Variants in FBXW7 observed in about 807,000 individuals in gnomAD.
FBXW7 encodes F-box/WD repeat-containing protein 7.
Under a neutral mutation model 86.3 loss-of-function variants are expected in FBXW7, and 11 were observed. The ratio of observed to expected loss-of-function variants is 0.13; its 90% CI spans 0.08 to 0.21. The LOEUF is 0.21. Ranked by LOEUF, FBXW7 falls within the 10% of genes least tolerant of loss-of-function variation. The probability of loss-of-function intolerance (pLI) is 1.00; values close to 1 mark genes in which losing one functional copy is unlikely to be tolerated. For missense variants in FBXW7, 488 were observed against 847.4 expected (o/e 0.58, Z 5.27); for synonymous variants, 313 against 297.9 (o/e 1.05, Z -0.52).
intron 2 of FBXW7, among the ~76,000 whole-genome samples, chr4:152,524,557 G>A (rs1749320933): frequency 6.6e-6 from 1 of 152,102 alleles, no homozygotes; most frequent in Non-Finnish European, 1.5e-5. Context: ...TCATTTCAAA[G>A]GGTGACAGAT....
At chr4:152,445,745 T>G (rs1352726682) in intron 2 of FBXW7, among the ~76,000 whole-genome samples, 2 of 151,536 alleles carry the variant, frequency 1.3e-5, no homozygotes, top group African/African-American at 2.4e-5. Flanking sequence ...CCATCTCTAT[T>G]AAACATACAA....
intron 2 of FBXW7, among the ~76,000 whole-genome samples, chr4:152,413,653 A>G (rs1738178017): frequency 6.6e-6 from 1 of 152,110 alleles, no homozygotes; most frequent in Non-Finnish European, 1.5e-5. Flanking sequence ...CAAAACTCGA[A>G]TCACTACAAT....
chr4:152,419,034 G>A (rs1033541849), intron 2 of FBXW7, among the ~76,000 whole-genome samples: 7 of 152,028 alleles, frequency 4.6e-5, no homozygotes, highest in African/African-American at 1.4e-4. Flanking sequence ...ATACAATTGA[G>A]CCTGACCATA....
chr4:152,520,866 T>C (rs530129525), intron 2 of FBXW7, among the ~76,000 whole-genome samples: 5 of 152,168 alleles, frequency 3.3e-5, no homozygotes, highest in Non-Finnish European at 7.4e-5. Context: ...TTTCTAGAAA[T>C]GCAGAAGAAA....
intron 4 of FBXW7, chr4:152,382,487 C>T (rs1735181304): frequency 8.3e-7 from 1 of 1,207,830 alleles, no homozygotes. Context: ...TTTCAACCTT[C>T]CCCTACCAAA....
At chr4:152,476,483 T>C (rs1219895792) in intron 2 of FBXW7, among the ~76,000 whole-genome samples, 8 of 152,176 alleles carry the variant, frequency 5.3e-5, no homozygotes, top group Non-Finnish European at 1.2e-4. Flanking sequence ...TAGAAACTTC[T>C]GTTCTGTAAA....
At chr4:152,422,267 T>C (rs888649961) in intron 2 of FBXW7, among the ~76,000 whole-genome samples, 1 of 152,196 alleles carries the variant, frequency 6.6e-6, no homozygotes, top group Admixed American at 6.5e-5. Flanking sequence ...AGTGGAATAG[T>C]GAAGAGGTAT....
intron 4 of FBXW7, among the ~76,000 whole-genome samples, chr4:152,401,863 A>G (rs528337297): frequency 1.3e-5 from 2 of 152,348 alleles, no homozygotes; most frequent in Non-Finnish European, 2.9e-5. Context: ...ATTTAAAAAG[A>G]CAGAATGGCT....
chr4:152,364,189 T>C (rs192526550), intron 4 of FBXW7, among the ~76,000 whole-genome samples: 1 of 152,294 alleles, frequency 6.6e-6, no homozygotes, highest in Non-Finnish European at 1.5e-5. Context: ...TGTGACATTA[T>C]ATTGAGGCCA....
At chr4:152,418,127 C>CCACACACACACACA (rs3047865) in intron 2 of FBXW7, among the ~76,000 whole-genome samples, 149 of 143,934 alleles carry the variant, frequency 1.0e-3, no homozygotes, top group African/African-American at 2.7e-3. Context: ...ACAGCTCTTA[C>CCACACACACACACA]CACACACACA....
chr4:152,494,143 A>G (rs1413462258), intron 2 of FBXW7, among the ~76,000 whole-genome samples: 2 of 152,110 alleles, frequency 1.3e-5, no homozygotes, highest in East Asian at 3.8e-4. Flanking sequence ...TAAACATACA[A>G]AAAAAAGGGA....
chr4:152,337,949 A>G lies in FBXW7; in HGVS notation c.727-13T>C. On this transcript the variant is annotated splice_polypyrimidine_tract_variant and intron_variant, in intron 6 of 13. Coordinates refer to ENST00000281708, the MANE Select transcript of FBXW7 (RefSeq NM_001349798.2). ...GTCCACTCCAGCTCTATCAAAGAGAATTAGAAATTTTTATTGTTTTAACAG... is the reference window on the plus strand; with the variant it reads ...GTCCACTCCAGCTCTATCAAAGAGAGTTAGAAATTTTTATTGTTTTAACAG... 6.3e-7 allele frequency: 1 copy of G among 1,588,606 alleles called. No individual in the cohort carries two copies. Among genetic ancestry groups the G allele is most frequent in the Non-Finnish European group, 8.5e-7 (1 of 1,172,736 alleles).
At chr4:152,474,436 T>C (rs1214492179) in intron 2 of FBXW7, among the ~76,000 whole-genome samples, 1 of 152,202 alleles carries the variant, frequency 6.6e-6, no homozygotes, top group Non-Finnish European at 1.5e-5. Flanking sequence ...GTAAAGGTTT[T>C]TAAAAAGCAC....
At chr4:152,527,821 C>A (rs1749650879) in intron 2 of FBXW7, among the ~76,000 whole-genome samples, 1 of 151,238 alleles carries the variant, frequency 6.6e-6, no homozygotes, top group South Asian at 2.1e-4. Flanking sequence ...CTCTCATAAG[C>A]ATTGACTAGA....
chr4:152,459,174 CA>C (rs1245457910), intron 2 of FBXW7, among the ~76,000 whole-genome samples: 1 of 152,178 alleles, frequency 6.6e-6, no homozygotes, highest in African/African-American at 2.4e-5. Context: ...ATAACTGCAG[CA>C]TGACTTTACT....
At chr4:152,397,361 G>A (rs1374999433) in intron 4 of FBXW7, among the ~76,000 whole-genome samples, 1 of 151,806 alleles carries the variant, frequency 6.6e-6, no homozygotes, top group Non-Finnish European at 1.5e-5. Context: ...CAGCCCATAG[G>A]TCATATGTAG....
intron 7 of FBXW7, among the ~76,000 whole-genome samples, chr4:152,335,221 A>C (rs946526398): frequency 6.6e-6 from 1 of 152,146 alleles, no homozygotes; most frequent in Non-Finnish European, 1.5e-5. Flanking sequence ...GGTGTTTGGA[A>C]AATAATTAGG....
At chr4:152,465,320 G>A (rs1456315364) in intron 2 of FBXW7, among the ~76,000 whole-genome samples, 2 of 152,032 alleles carry the variant, frequency 1.3e-5, no homozygotes, top group Non-Finnish European at 2.9e-5. Context: ...GAAAGAATCG[G>A]ATATAAAAGC....
At chr4:152,505,179 T>C (rs1395300262) in intron 2 of FBXW7, among the ~76,000 whole-genome samples, 2 of 152,142 alleles carry the variant, frequency 1.3e-5, no homozygotes. Flanking sequence ...AAATAAGGTA[T>C]ATAAAATGTA....
Sources: allele counts gnomAD v4.1 joint callset (sites outside exome capture counted in the v4.1 genomes callset), GRCh38; gene constraint gnomAD v4.1.1; transcripts MANE v1.5; gene names NCBI Gene and HGNC (gene_info 2026-07-23, HGNC 2026-07-21).